DPH6: variants seen among roughly 807,000 people sequenced by gnomAD.
DPH6 encodes the protein diphthamine biosynthesis 6, also known as diphthine--ammonia ligase.
DPH6 carries 33 observed loss-of-function variants against 38.2 expected under a neutral mutation model. The observed-to-expected ratio is 0.86, with a 90% CI of 0.65 to 1.15. DPH6 has a LOEUF of 1.15. DPH6 is among the 50% of genes most tolerant of loss of function. DPH6 has a pLI of 0.00. For missense variants in DPH6, 325 were observed against 320.0 expected (o/e 1.02, Z -0.12); for synonymous variants, 108 against 103.0 (o/e 1.05, Z -0.30).
In DPH6 at chr15:35,509,535, T is replaced by C. The variant is rs76058485; in HGVS notation, c.312+28739A>G. On this transcript the variant is annotated intron_variant, in intron 3 of 8. Transcript: ENST00000256538. ...GATAATGTTCATGCAGTTTAGAGAC[T>C]TGTAACATTATCACAAATAATTCTA... is the stretch of plus-strand genomic sequence containing the variant. Among the ~76,000 whole-genome samples the C allele has an allele frequency of 3.1e-3, 475 of 152,300 alleles. 3 individuals carry two copies. The East Asian group carries it at 0.034, about 11-fold the overall frequency.
intron 3 of DPH6, among the ~76,000 whole-genome samples, chr15:35,319,996 G>A (rs1199808810): frequency 6.6e-6 from 1 of 152,042 alleles, no homozygotes; most frequent in Non-Finnish European, 1.5e-5. Flanking sequence ...ATTTTACATG[G>A]AGCTATGTGA....
intron 3 of DPH6, among the ~76,000 whole-genome samples, chr15:35,512,881 T>C (rs2054794348): frequency 1.3e-5 from 2 of 152,120 alleles, no homozygotes; most frequent in African/African-American, 2.4e-5. Flanking sequence ...TCCTAAGGAA[T>C]TAACTTTTTA....
chr15:35,179,433 A>G, the DPH6 span, among the ~76,000 whole-genome samples: 1 of 152,114 alleles, frequency 6.6e-6, no homozygotes, highest in Non-Finnish European at 1.5e-5. Context: ...ATCCAAAAAG[A>G]GTCAAATACA....
At chr15:35,315,118 C>T (rs1000487902) in intron 3 of DPH6, among the ~76,000 whole-genome samples, 1 of 152,174 alleles carries the variant, frequency 6.6e-6, no homozygotes, top group African/African-American at 2.4e-5. Context: ...CCCAGTTCTT[C>T]ACGACAACAC....
intron 5 of DPH6, 66 bp downstream of exon 5, chr15:35,450,619 A>C (rs1478470187): frequency 1.5e-5 from 19 of 1,262,888 alleles, no homozygotes; most frequent in Non-Finnish European, 1.9e-5. Flanking sequence ...CATTTTAACT[A>C]CTTATTAGTG....
chr15:35,526,604 AAAG>A (rs2055006804), intron 3 of DPH6, among the ~76,000 whole-genome samples: 1 of 152,130 alleles, frequency 6.6e-6, no homozygotes, highest in Admixed American at 6.6e-5. Context: ...GCCTCTGAAG[AAAG>A]AACTGTTTTT....
chr15:35,469,072 AAACAAC>A (rs10649323), intron 3 of DPH6, among the ~76,000 whole-genome samples: 223 of 148,932 alleles, frequency 1.5e-3, no homozygotes, highest in South Asian at 3.0e-3. Flanking sequence ...CTCTGCTTCA[AAACAAC>A]AACAACAACA....
At position 35,546,165 on chromosome 15, in the gene DPH6, C is replaced by T; in HGVS notation, c.-24G>A. The T allele has an allele frequency of 3.7e-6, 5 of 1,355,846 alleles. No homozygotes were observed. Among genetic ancestry groups the T allele is most frequent in the Non-Finnish European group, 4.8e-6 (5 of 1,042,140 alleles). 84.0% of individuals were successfully genotyped at this position (1,355,846 alleles called of 1,614,324 possible). ...ATGCTGGGCGCAGTGCGCGTGCGTG[C>T]GGCGAGCGCGGGCGGGAGCCAGGAG... On this transcript the variant is annotated 5_prime_UTR_variant, in exon 1 of 9. Coordinates refer to ENST00000256538, the MANE Select transcript of DPH6 (RefSeq NM_080650.4).
chr15:35,196,249 T>C, the DPH6 span, among the ~76,000 whole-genome samples: 6 of 152,140 alleles, frequency 3.9e-5, no homozygotes, highest in African/African-American at 1.2e-4. Flanking sequence ...CTAGTGAAAA[T>C]AGGTTGTGGC....
At chr15:35,464,456 T>C (rs1036331553) in intron 3 of DPH6, among the ~76,000 whole-genome samples, 1 of 152,218 alleles carries the variant, frequency 6.6e-6, no homozygotes, top group African/African-American at 2.4e-5. Flanking sequence ...TTTGTCCTTC[T>C]AGATGATAAG....
intron 6 of DPH6, among the ~76,000 whole-genome samples, chr15:35,383,555 C>T (rs187299877): frequency 2.6e-5 from 4 of 152,340 alleles, no homozygotes; most frequent in African/African-American, 9.6e-5. Flanking sequence ...ACACTAATGA[C>T]GCAACAGCGA....
chr15:35,290,252 G>A (rs2051971186), intron 3 of DPH6, among the ~76,000 whole-genome samples: 1 of 152,184 alleles, frequency 6.6e-6, no homozygotes, highest in Admixed American at 6.5e-5. Flanking sequence ...ACAAAGAAGA[G>A]ACAGGAAGAT....
intron 3 of DPH6, among the ~76,000 whole-genome samples, chr15:35,505,149 C>T (rs1189585695): frequency 2.0e-5 from 3 of 152,006 alleles, no homozygotes; most frequent in Admixed American, 6.6e-5. Context: ...TGTTCAACTG[C>T]GTATAAGTGT....
At chr15:35,463,277 T>C (rs2054087745) in intron 3 of DPH6, among the ~76,000 whole-genome samples, 1 of 152,160 alleles carries the variant, frequency 6.6e-6, no homozygotes, top group African/African-American at 2.4e-5. Flanking sequence ...TTTTGTAGTA[T>C]GTATCATGAA....
intron 5 of DPH6, among the ~76,000 whole-genome samples, chr15:35,448,322 G>T (rs919321665): frequency 6.6e-6 from 1 of 152,016 alleles, no homozygotes. Context: ...TGGTCTTTTT[G>T]TTCCCAAAAA....
At chr15:35,150,129 G>A in the DPH6 span, among the ~76,000 whole-genome samples, 1 of 152,106 alleles carries the variant, frequency 6.6e-6, no homozygotes, top group Non-Finnish European at 1.5e-5. Context: ...TTTACATAAG[G>A]GACCAGCAAA....
At chr15:35,246,081 A>G (rs11634454) in intron 3 of DPH6, among the ~76,000 whole-genome samples, 9,590 of 152,240 alleles carry the variant, frequency 0.063, 420 homozygotes, top group African/African-American at 0.12. Context: ...CAGCCAGAGA[A>G]CAACCCCTTT....
At chr15:35,317,400 GAAAA>G (rs2052200979) in intron 3 of DPH6, among the ~76,000 whole-genome samples, 2 of 132,680 alleles carry the variant, frequency 1.5e-5, no homozygotes, top group Non-Finnish European at 3.2e-5. Flanking sequence ...GAAAAGGAAA[GAAAA>G]AGAAAGAAAG....
intron 3 of DPH6, among the ~76,000 whole-genome samples, chr15:35,338,991 T>C (rs1407751854): frequency 6.6e-6 from 1 of 151,824 alleles, no homozygotes; most frequent in African/African-American, 2.4e-5. Flanking sequence ...ATGAGAACAC[T>C]TGGACACAGG....
Sources: allele counts gnomAD v4.1 joint callset (sites outside exome capture counted in the v4.1 genomes callset), GRCh38; gene constraint gnomAD v4.1.1; transcripts MANE v1.5; gene names NCBI Gene and HGNC (gene_info 2026-07-23, HGNC 2026-07-21).